SLC9B2: variants seen among roughly 807,000 people sequenced by gnomAD.
SLC9B2 encodes the protein sodium/hydrogen exchanger 9B2.
SLC9B2 carries 39 observed loss-of-function variants against 52.2 expected under a neutral mutation model. That is an observed-to-expected ratio of 0.75 (90% CI 0.58 to 0.98). SLC9B2 has a LOEUF of 0.98. SLC9B2 is among the 50% of genes least tolerant of loss of function. The pLI is 0.00. For synonymous variants in SLC9B2, 214 were observed against 227.0 expected (o/e 0.94, Z 0.51); for missense variants, 626 against 637.5 (o/e 0.98, Z 0.19).
chr4:103,033,682 C>A (rs1430742775), intron 9 of SLC9B2, among the ~76,000 whole-genome samples: 1 of 152,002 alleles, frequency 6.6e-6, no homozygotes, highest in African/African-American at 2.4e-5. Flanking sequence ...AAGCTGAGAG[C>A]CAAATCAAGA....
downstream of SLC9B2, chr4:103,019,698 G>A (rs1741652703): frequency 6.1e-6 from 6 of 985,390 alleles, no homozygotes; most frequent in Admixed American, 2.5e-4. Context: ...GGGTGGTGAC[G>A]CGAAAGCCCG....
intron 1 of SLC9B2, among the ~76,000 whole-genome samples, chr4:103,070,490 T>C (rs998159832): frequency 5.3e-5 from 8 of 152,220 alleles, no homozygotes; most frequent in Admixed American, 3.9e-4. Flanking sequence ...GCCCAGGCTA[T>C]AGTGCAGTGG....
chr4:103,074,413 C>T (rs1351277678), intron 1 of SLC9B2, among the ~76,000 whole-genome samples: 1 of 152,146 alleles, frequency 6.6e-6, no homozygotes, highest in African/African-American at 2.4e-5. Flanking sequence ...CAGAACCATC[C>T]CTGAGAAGCC....
intron 1 of SLC9B2, among the ~76,000 whole-genome samples, chr4:103,072,944 TA>T (rs1456236474): frequency 6.6e-6 from 1 of 152,082 alleles, no homozygotes; most frequent in African/African-American, 2.4e-5. Context: ...AGTGCTCTTA[TA>T]AAAGAGGTCA....
intron 9 of SLC9B2, among the ~76,000 whole-genome samples, chr4:103,033,203 A>C (rs1243217040): frequency 6.6e-6 from 1 of 152,172 alleles, no homozygotes; most frequent in Non-Finnish European, 1.5e-5. Flanking sequence ...AAAAGTGACA[A>C]ACTAGAAGAA....
chr4:103,069,228 GGT>G (rs947317077), intron 1 of SLC9B2, among the ~76,000 whole-genome samples: 6 of 152,304 alleles, frequency 3.9e-5, no homozygotes, highest in African/African-American at 1.4e-4. Context: ...GAAAGCCAGT[GGT>G]GTGTGAGGGG....
At chr4:103,021,090 G>A (rs1168530991), downstream of SLC9B2, among the ~76,000 whole-genome samples, 1 of 152,208 alleles carries the variant, frequency 6.6e-6, no homozygotes, top group Admixed American at 6.5e-5. Context: ...GTACTCACAG[G>A]AAAAGCAGGT....
intron 3 of SLC9B2, among the ~76,000 whole-genome samples, chr4:103,061,270 C>T (rs1044101981): frequency 6.6e-6 from 1 of 152,116 alleles, no homozygotes; most frequent in Non-Finnish European, 1.5e-5. Flanking sequence ...AAATGTCCAA[C>T]AATGATAGAC....
chr4:103,030,467 C>CAGGTTGTGTGAGAGGT (rs1742598464), intron 10 of SLC9B2, among the ~76,000 whole-genome samples: 2 of 151,516 alleles, frequency 1.3e-5, no homozygotes, highest in South Asian at 4.2e-4. Context: ...TGGTGAGAGG[C>CAGGTTGTGTGAGAGGT]TGGCAGGTTG....
At chr4:103,046,663 G>T (rs1744150674) in intron 7 of SLC9B2, among the ~76,000 whole-genome samples, 1 of 148,234 alleles carries the variant, frequency 6.7e-6, no homozygotes, top group South Asian at 2.1e-4. Context: ...TTTGTGTGAA[G>T]TCTCCACACA....
intron 6 of SLC9B2, among the ~76,000 whole-genome samples, chr4:103,048,143 A>T (rs141710330): frequency 2.0e-5 from 3 of 152,366 alleles, no homozygotes; most frequent in Non-Finnish European, 4.4e-5. Flanking sequence ...TACCAGTAAC[A>T]ACAGCAGTGG....
At chr4:103,048,031 G>A (rs1342771831) in intron 6 of SLC9B2, among the ~76,000 whole-genome samples, 1 of 152,136 alleles carries the variant, frequency 6.6e-6, no homozygotes, top group Non-Finnish European at 1.5e-5. Context: ...AAAATGCATG[G>A]ACTTTCTGAT....
intron 4 of SLC9B2, among the ~76,000 whole-genome samples, chr4:103,057,066 G>A (rs1237922081): frequency 1.4e-4 from 21 of 151,954 alleles, no homozygotes; most frequent in South Asian, 6.2e-4. Context: ...TACCATGGCC[G>A]ATTTTAAGCT....
intron 9 of SLC9B2, among the ~76,000 whole-genome samples, chr4:103,034,384 T>C (rs920937864): frequency 5.3e-5 from 8 of 152,136 alleles, no homozygotes; most frequent in African/African-American, 1.2e-4. Context: ...AATCTGGACA[T>C]TGGCCCAGGC....
intron 7 of SLC9B2, among the ~76,000 whole-genome samples, chr4:103,046,819 C>T (rs1384490424): frequency 2.0e-5 from 3 of 152,158 alleles, no homozygotes; most frequent in Non-Finnish European, 4.4e-5. Flanking sequence ...CTACCTTCTA[C>T]CGCCCCTGCC....
In SLC9B2 at chr4:103,067,017, T is replaced by C. The variant is rs541039184; in HGVS notation, c.90+444A>G. On this transcript the variant is annotated intron_variant, in intron 2 of 11. Transcript: ENST00000394785. ...AAAAAAAAAAAATCCAAGACACTTA[T>C]AGTCCCAAGCATTTCAGATAAGGGA... Among the ~76,000 whole-genome samples, 7 of 152,030 alleles carry C rather than the reference T, an allele frequency of 4.6e-5. No individual in the cohort carries two copies. The East Asian group carries it at 7.7e-4, about 17-fold the overall frequency.
At position 103,047,179 on chromosome 4, in the gene SLC9B2, A is replaced by G. The variant is rs751657501; in HGVS notation, c.761T>C (p.Leu254Pro). The G allele has an allele frequency of 6.2e-7, 1 of 1,613,898 alleles. No individual in the cohort carries two copies. The highest frequency in any genetic ancestry group is 1.1e-5 in the South Asian group (1 of 91,066). ...VSPAVVVPSM[L>P]LLQGGGYGVE... Reference sequence around the variant, plus strand: ...ACCATAGCCTCCTCCCTGCAAAAGGAGCATTGAAGGCACCACAACAGCTGG... The same window carrying G: ...ACCATAGCCTCCTCCCTGCAAAAGGGGCATTGAAGGCACCACAACAGCTGG... Residue 254 changes from leucine (L) to proline (P), a missense_variant, in exon 7 of 12, where the codon CTC becomes CCC. Leu to Pro is a moderately conservative substitution (Grantham distance 98, BLOSUM62 -3). Transcript: ENST00000394785.
intron 9 of SLC9B2, among the ~76,000 whole-genome samples, chr4:103,037,385 T>A (rs1481328966): frequency 6.6e-6 from 1 of 152,230 alleles, no homozygotes; most frequent in Non-Finnish European, 1.5e-5. Context: ...TCACTTAAAG[T>A]TGCAGCTTCT....
In SLC9B2 at chr4:103,067,489, T is replaced by C; in HGVS notation, c.62A>G (p.Tyr21Cys). The change falls in exon 2 of 12, where the codon TAC (tyrosine) becomes TGC (cysteine). Residue 21 changes from tyrosine (Y) to cysteine (C), a missense_variant. Transcript: ENST00000394785. ...TGCTTCTTGATGCATGGAGGGCGTG[T>C]AATTCATTCCTGTGGATGGTTCTGA... ...EDSEPSTGMN[Y>C]TPSMHQEAQE... The C allele has an allele frequency of 6.2e-7, 1 of 1,613,518 alleles. No homozygotes were observed. Among genetic ancestry groups the C allele is most frequent in the Admixed American group, 1.7e-5 (1 of 60,030 alleles).
Sources: allele counts gnomAD v4.1 joint callset (sites outside exome capture counted in the v4.1 genomes callset), GRCh38; gene constraint gnomAD v4.1.1; transcripts MANE v1.5; gene names NCBI Gene and HGNC (gene_info 2026-07-23, HGNC 2026-07-21).